MGAT5: variants seen among roughly 807,000 people sequenced by gnomAD.
MGAT5 encodes the protein alpha-1,6-mannosylglycoprotein 6-beta-N-acetylglucosaminyltransferase A.
MGAT5 carries 30 observed loss-of-function variants against 94.3 expected under a neutral mutation model. The observed-to-expected ratio is 0.32, with a 90% CI of 0.24 to 0.43. MGAT5 has a LOEUF of 0.43. MGAT5 is among the 20% of genes least tolerant of loss of function. The pLI is 1.00. For synonymous variants in MGAT5, 310 were observed against 322.9 expected (o/e 0.96, Z 0.43); for missense variants, 691 against 905.5 (o/e 0.76, Z 3.04).
At chr2:134,271,415 G>A (rs1189261327) in intron 2 of MGAT5, among the ~76,000 whole-genome samples, 1 of 152,000 alleles carries the variant, frequency 6.6e-6, no homozygotes, top group Non-Finnish European at 1.5e-5. Context: ...TTTGGTGGGT[G>A]GTAGCCAAAC....
chr2:134,242,398 C>T (rs1357305607), intron 1 of MGAT5, among the ~76,000 whole-genome samples: 1 of 152,186 alleles, frequency 6.6e-6, no homozygotes, highest in Non-Finnish European at 1.5e-5. Flanking sequence ...GTATATAATG[C>T]TCATCTCAGC....
intron 2 of MGAT5, among the ~76,000 whole-genome samples, chr2:134,299,397 T>G (rs1404947490): frequency 6.6e-6 from 1 of 152,230 alleles, no homozygotes; most frequent in Non-Finnish European, 1.5e-5. Context: ...TGGAGTACTC[T>G]TGTGAAGTTT....
chr2:134,268,514 C>T lies in MGAT5; in HGVS notation c.242-1872C>T, dbSNP rs149456654. ...CTGTCTGTGCCAACTAATGATGTGC[C>T]TGTGACAAACTGAGTCATGCTGACC... On this transcript the variant is annotated intron_variant, in intron 1 of 15. Coordinates refer to ENST00000281923, the MANE Select transcript of MGAT5 (RefSeq NM_002410.5). The surrounding 1 kb of genome is among the most constrained non-coding windows in gnomAD (Gnocchi z 4.1). Among the ~76,000 whole-genome samples the T allele has an allele frequency of 1.3e-5, 2 of 152,254 alleles. No individual in the cohort carries two copies. Among genetic ancestry groups the T allele is most frequent in the Non-Finnish European group, 2.9e-5 (2 of 68,024 alleles).
intron 1 of MGAT5, among the ~76,000 whole-genome samples, chr2:134,264,069 CTGAAG>C (rs1294917201): frequency 7.3e-6 from 1 of 137,876 alleles, no homozygotes. Context: ...GTTGCCCAGG[CTGAAG>C]TGCAATGGCA....
intron 13 of MGAT5, among the ~76,000 whole-genome samples, chr2:134,423,198 G>A (rs545327651): frequency 2.6e-5 from 4 of 152,186 alleles, no homozygotes; most frequent in Admixed American, 6.5e-5. Flanking sequence ...GTCATACTTG[G>A]TTCAGTGACC....
chr2:134,278,334 C>T (rs1390448149), intron 2 of MGAT5, among the ~76,000 whole-genome samples: 2 of 152,146 alleles, frequency 1.3e-5, no homozygotes, highest in Non-Finnish European at 2.9e-5. Context: ...CCCAAGGAGG[C>T]TCTAGGTTTT....
At chr2:134,195,282 A>G (rs1679441967) in intron 1 of MGAT5, among the ~76,000 whole-genome samples, 2 of 152,226 alleles carry the variant, frequency 1.3e-5, no homozygotes, top group Non-Finnish European at 2.9e-5. Context: ...TCATAAACAA[A>G]TTTAATACTC....
At chr2:134,345,161 T>C in intron 8 of MGAT5, 97 bp downstream of exon 8, 2 of 1,340,582 alleles carry the variant, frequency 1.5e-6, no homozygotes, top group Non-Finnish European at 1.0e-6. Flanking sequence ...AATAGTATCT[T>C]TTCAGCTGTA....
At chr2:134,223,536 T>C (rs754070498) in intron 1 of MGAT5, among the ~76,000 whole-genome samples, 1 of 152,196 alleles carries the variant, frequency 6.6e-6, no homozygotes, top group Non-Finnish European at 1.5e-5. Flanking sequence ...CAACTAAAAA[T>C]GTGAAGAAAA....
At chr2:134,275,265 T>C (rs999324709) in intron 2 of MGAT5, among the ~76,000 whole-genome samples, 1 of 152,218 alleles carries the variant, frequency 6.6e-6, no homozygotes, top group African/African-American at 2.4e-5. Context: ...GCAAATATGT[T>C]CTGTCTATCT....
intron 1 of MGAT5, among the ~76,000 whole-genome samples, chr2:134,121,356 G>A (rs1366371516): frequency 1.3e-5 from 2 of 152,250 alleles, no homozygotes; most frequent in Non-Finnish European, 2.9e-5. Flanking sequence ...GCAAGGGGGT[G>A]TGTGAGCCCA....
At chr2:134,250,835 A>AT (rs1169291409), upstream of MGAT5, among the ~76,000 whole-genome samples, 1 of 152,056 alleles carries the variant, frequency 6.6e-6, no homozygotes, top group Non-Finnish European at 1.5e-5. Context: ...CTAGGCTGAG[A>AT]TTTTTTGGCC....
chr2:134,264,167 CA>C (rs1295892568), intron 1 of MGAT5, among the ~76,000 whole-genome samples: 1 of 152,044 alleles, frequency 6.6e-6, no homozygotes, highest in Non-Finnish European at 1.5e-5. Flanking sequence ...GGATTACAGG[CA>C]TGTGCCACCA....
In MGAT5 at chr2:134,194,821, A is replaced by G. The variant is rs149820405; in HGVS notation, c.-142-59441A>G. Among the ~76,000 whole-genome samples, 181 of 152,292 alleles carry G rather than the reference A, an allele frequency of 1.2e-3. 1 individual carries two copies. Among genetic ancestry groups the G allele is most frequent in the African/African-American group, 4.1e-3 (170 of 41,566 alleles). ...GTACTGTTCAAGGCCCTGGTGGAAT[A>G]TCTTCCATGAGCATTTGCGCCCCTT... On this transcript the variant is annotated intron_variant, in intron 1 of 16. Coordinates refer to the MGAT5 transcript ENST00000409645.
intron 10 of MGAT5, among the ~76,000 whole-genome samples, chr2:134,364,461 T>C (rs1329401012): frequency 6.6e-6 from 1 of 151,966 alleles, no homozygotes; most frequent in African/African-American, 2.4e-5. Flanking sequence ...GACCATGCCA[T>C]TGCACTCCAG....
chr2:134,324,936 T>C (rs1322038343), intron 4 of MGAT5, among the ~76,000 whole-genome samples: 1 of 151,998 alleles, frequency 6.6e-6, no homozygotes, highest in Non-Finnish European at 1.5e-5. Flanking sequence ...TCAGCCTTTA[T>C]TGGTATCTTT....
intron 1 of MGAT5, among the ~76,000 whole-genome samples, chr2:134,149,562 T>C (rs1404147843): frequency 1.3e-5 from 2 of 152,268 alleles, no homozygotes; most frequent in Non-Finnish European, 2.9e-5. Context: ...TTGTGAGCTC[T>C]TCTTTATTAA....
At chr2:134,287,671 A>G (rs1406004001) in intron 2 of MGAT5, among the ~76,000 whole-genome samples, 3 of 152,206 alleles carry the variant, frequency 2.0e-5, no homozygotes, top group Non-Finnish European at 2.9e-5. Flanking sequence ...CTTCATAGCT[A>G]GAGACCAAGA....
chr2:134,331,127 C>T (rs556834958), intron 4 of MGAT5, among the ~76,000 whole-genome samples: 1 of 152,204 alleles, frequency 6.6e-6, no homozygotes, highest in East Asian at 1.9e-4. Context: ...GATTAGACTT[C>T]TAGGGACTCA....
Sources: gnomAD v4.1 joint callset for allele counts (sites outside exome capture counted in the v4.1 genomes callset) on GRCh38, gnomAD v4.1.1 for gene constraint, Gnocchi (gnomAD v3.1) non-coding constraint, MANE v1.5 for transcripts, NCBI Gene and HGNC (gene_info 2026-07-23, HGNC 2026-07-21) for gene names.